Variants in CLVS1 observed in about 807,000 individuals in gnomAD.
CLVS1 encodes clavesin-1.
A neutral mutation model predicts 33.1 loss-of-function variants in CLVS1; 10 were observed. The observed-to-expected ratio is 0.30, with a 90% CI of 0.19 to 0.51. CLVS1 has a LOEUF of 0.51. Among genes scored for constraint, CLVS1 ranks in the 20% least tolerant of loss-of-function variants. CLVS1 has a pLI of 0.97. For synonymous variants in CLVS1, 163 were observed against 166.1 expected, an observed-to-expected ratio of 0.98 and a Z score of 0.14; for missense variants, 343 against 433.4, an observed-to-expected ratio of 0.79 and a Z score of 1.85.
intron 2 of CLVS1, among the ~76,000 whole-genome samples, chr8:61,231,383 G>A (rs1808430482): frequency 6.6e-6 from 1 of 152,130 alleles, no homozygotes; most frequent in Non-Finnish European, 1.5e-5. Context: ...ATCATGTGGG[G>A]AGTTGTAATA....
intron 2 of CLVS1, among the ~76,000 whole-genome samples, chr8:61,226,764 T>A (rs1281726995): frequency 6.6e-6 from 1 of 152,022 alleles, no homozygotes. Flanking sequence ...AGGGTCAAAC[T>A]GGGGGGAAAG....
At chr8:61,384,379 G>A (rs1344975677) in intron 3 of CLVS1, among the ~76,000 whole-genome samples, 1 of 152,128 alleles carries the variant, frequency 6.6e-6, no homozygotes, top group African/African-American at 2.4e-5. Context: ...AGAGGCAGGA[G>A]AACCAATTAA....
At chr8:61,111,657 C>G (rs561733912) in intron 1 of CLVS1, among the ~76,000 whole-genome samples, 1 of 152,218 alleles carries the variant, frequency 6.6e-6, no homozygotes, top group East Asian at 1.9e-4. Flanking sequence ...GTCTTCTGTT[C>G]TGTAAATCTT....
At chr8:61,009,144 C>A in the CLVS1 span, among the ~76,000 whole-genome samples, 2 of 151,944 alleles carry the variant, frequency 1.3e-5, no homozygotes, top group Non-Finnish European at 2.9e-5. Flanking sequence ...CTCTTGCCAG[C>A]ATTCAGTAAA....
chr8:61,279,215 A>G (rs1395165127), intron 2 of CLVS1, among the ~76,000 whole-genome samples: 1 of 152,138 alleles, frequency 6.6e-6, no homozygotes, highest in Admixed American at 6.5e-5. Context: ...CATGACAAGC[A>G]CCTACTCAGA....
chr8:61,195,440 T>C (rs769000701), intron 2 of CLVS1, among the ~76,000 whole-genome samples: 3 of 152,036 alleles, frequency 2.0e-5, no homozygotes, highest in Non-Finnish European at 4.4e-5. Flanking sequence ...TAATATATTG[T>C]AGTGAGTACT....
At chr8:61,252,223 G>T (rs1453789311) in intron 2 of CLVS1, among the ~76,000 whole-genome samples, 3 of 152,106 alleles carry the variant, frequency 2.0e-5, no homozygotes, top group African/African-American at 4.8e-5. Flanking sequence ...GTAGTTTTGT[G>T]GTTTTGAGTG....
At chr8:61,128,277 AG>A (rs1310497228) in intron 1 of CLVS1, among the ~76,000 whole-genome samples, 3 of 152,200 alleles carry the variant, frequency 2.0e-5, no homozygotes, top group Non-Finnish European at 4.4e-5. Context: ...TGCAGCAAGG[AG>A]GGGTAAGGCC....
At chr8:61,280,628 A>AT (rs1190126720) in intron 2 of CLVS1, among the ~76,000 whole-genome samples, 1 of 152,226 alleles carries the variant, frequency 6.6e-6, no homozygotes, top group Non-Finnish European at 1.5e-5. Flanking sequence ...TCAATAAAGT[A>AT]TTTTTGTAAA....
chr8:61,445,761 T>G (rs572931696), intron 3 of CLVS1, among the ~76,000 whole-genome samples: 6 of 152,320 alleles, frequency 3.9e-5, no homozygotes, highest in African/African-American at 1.4e-4. Flanking sequence ...TCTGTAAAAG[T>G]TCAGTGGAAT....
At chr8:61,345,051 G>A (rs186038167) in intron 2 of CLVS1, among the ~76,000 whole-genome samples, 272 of 152,278 alleles carry the variant, frequency 1.8e-3, no homozygotes, top group South Asian at 3.9e-3. Context: ...CCTCCTTCTC[G>A]ATGCCTCTTT....
Position 61,169,320 on chromosome 8 carries a change from C to T in CLVS1, c.-152+37460C>T, listed in dbSNP as rs1444033209. The stretch of plus-strand genomic sequence containing the variant: ...TTTTAACCTTACCTTTTTGTGCCCA[C>T]CAAGCACAGGGAGAGGCTCTTTCTA... On this transcript the variant is annotated intron_variant, in intron 2 of 2. Coordinates refer to the CLVS1 transcript ENST00000522621. 2.6e-5 allele frequency among the ~76,000 whole-genome samples: 4 copies of T among 152,112 alleles called. No homozygotes were observed. In the East Asian group the frequency reaches 7.7e-4, roughly 29 times the overall value.
At chr8:61,218,882 T>G (rs1334806937) in intron 2 of CLVS1, among the ~76,000 whole-genome samples, 1 of 151,920 alleles carries the variant, frequency 6.6e-6, no homozygotes, top group Non-Finnish European at 1.5e-5. Context: ...AGGTGGAGGC[T>G]GTAGTGAGCT....
At chr8:61,287,931 C>G, upstream of CLVS1, 3 of 363,862 alleles carry the variant, frequency 8.2e-6, no homozygotes, top group South Asian at 6.1e-5. Flanking sequence ...CAGGGGAAAG[C>G]TAGGCTCCGT....
the CLVS1 span, among the ~76,000 whole-genome samples, chr8:60,983,120 C>T: frequency 1.3e-5 from 2 of 152,082 alleles, no homozygotes; most frequent in South Asian, 2.1e-4. Context: ...ACTCTGTTTC[C>T]GGGGATATTT....
rs374411661 is a variant in CLVS1, at chr8:61,300,053, A to G, written c.226A>G (p.Ile76Val). The G allele has an allele frequency of 1.9e-6, 3 of 1,613,922 alleles. No individual in the cohort carries two copies. In the African/African-American group the frequency reaches 4.0e-5, roughly 22 times the overall value. The change falls in exon 2 of 6, where the codon ATC becomes GTC. Residue 76 changes from isoleucine to valine, a missense_variant. Physicochemically the swap from Ile to Val is conservative, Grantham distance 29 (BLOSUM62 3). Coordinates refer to ENST00000325897, the MANE Select transcript of CLVS1 (RefSeq NM_173519.3). ...ATTTTTACGTACAGATGATGCCTTC[A>G]TCCTGAGATTTCTCCGAGCCAGGAA... The part of the protein sequence containing the change: ...IGFLRTDDAF[I>V]LRFLRARKFH...
chr8:61,463,534 AT>A (rs1817442310), intron 5 of CLVS1, among the ~76,000 whole-genome samples: 10 of 152,188 alleles, frequency 6.6e-5, no homozygotes, highest in Admixed American at 6.5e-4. Context: ...CTTAGAAGCC[AT>A]TGTAAGGTTA....
chr8:61,197,173 T>C (rs1276442979), intron 2 of CLVS1, among the ~76,000 whole-genome samples: 1 of 152,230 alleles, frequency 6.6e-6, no homozygotes, highest in Non-Finnish European at 1.5e-5. Flanking sequence ...ATTTTAAGTC[T>C]TTAATCCATT....
At chr8:61,439,412 T>C (rs1816461301) in intron 3 of CLVS1, among the ~76,000 whole-genome samples, 1 of 152,194 alleles carries the variant, frequency 6.6e-6, no homozygotes, top group Non-Finnish European at 1.5e-5. Context: ...TATGGCAAAT[T>C]AAGTTTCCAT....
Sources: gnomAD v4.1 joint callset for allele counts (sites outside exome capture counted in the v4.1 genomes callset) on GRCh38, gnomAD v4.1.1 for gene constraint, MANE v1.5 for transcripts, NCBI Gene and HGNC (gene_info 2026-07-23, HGNC 2026-07-21) for gene names.